GLB1: variants seen among roughly 807,000 people sequenced by gnomAD.
GLB1 encodes the protein galactosidase beta 1.
A neutral mutation model predicts 74.0 loss-of-function variants in GLB1; 56 were observed. The observed-to-expected ratio is 0.76, with a 90% confidence interval of 0.61 to 0.94. GLB1 has a LOEUF of 0.94. Among genes scored for constraint, GLB1 ranks in the 40% least tolerant of loss-of-function variants. The probability of loss-of-function intolerance (pLI) is 0.00; values close to 1 mark genes in which losing one functional copy is unlikely to be tolerated. For synonymous variants in GLB1, 323 were observed against 323.6 expected (o/e 1.00, Z 0.02); for missense variants, 787 against 845.5 (o/e 0.93, Z 0.86).
chr3:33,083,486 C>G (rs1318488180), intron 1 of GLB1, among the ~76,000 whole-genome samples: 1 of 151,494 alleles, frequency 6.6e-6, no homozygotes, highest in African/African-American at 2.4e-5. Flanking sequence ...AGAGTGTATT[C>G]CCCCCAAATG....
At chr3:33,005,430 T>C (rs1696745695) in intron 15 of GLB1, among the ~76,000 whole-genome samples, 1 of 152,214 alleles carries the variant, frequency 6.6e-6, no homozygotes, top group East Asian at 1.9e-4. Context: ...AACTGCATGG[T>C]TTACATATCT....
At chr3:32,962,950 C>T in the GLB1 span, among the ~76,000 whole-genome samples, 1 of 151,890 alleles carries the variant, frequency 6.6e-6, no homozygotes, top group African/African-American at 2.4e-5. Flanking sequence ...GATTTAAAAG[C>T]TTACATAAGA....
At chr3:33,081,273 T>C (rs1427151175) in intron 1 of GLB1, among the ~76,000 whole-genome samples, 3 of 152,128 alleles carry the variant, frequency 2.0e-5, no homozygotes, top group African/African-American at 7.2e-5. Context: ...GGAATGGATC[T>C]TGAGGGGGAA....
chr3:33,058,179 C>T lies in GLB1; in HGVS notation c.643G>A (p.Val215Met), dbSNP rs749673652. 2 of 1,614,182 alleles carry T rather than the reference C, an allele frequency of 1.2e-6. No homozygotes were observed. The highest frequency in any genetic ancestry group is 2.2e-5 in the East Asian group (1 of 44,878). ...KRFRHHLGDD[V>M]VLFTTDGAHK... Reference sequence around the variant, plus strand: ...GCTCCATCAGTGGTAAACAGAACCACATCATCCCCCAGATGGTGGCGAAAG... The same window carrying T: ...GCTCCATCAGTGGTAAACAGAACCATATCATCCCCCAGATGGTGGCGAAAG... Residue 215 changes from valine (V) to methionine (M), a missense_variant, in exon 6 of 16, where the codon GTG (valine) becomes ATG (methionine). Val to Met is a conservative substitution (Grantham distance 21). Transcript: ENST00000307363.
chr3:33,043,879 GC>G (rs1307982226), intron 10 of GLB1, among the ~76,000 whole-genome samples: 5 of 42,382 alleles, frequency 1.2e-4, no homozygotes, highest in Admixed American at 6.0e-4. Flanking sequence ...CAGGCAAAAA[GC>G]CTTATTAGAA....
intron 10 of GLB1, chr3:33,045,194 C>A: frequency 2.7e-6 from 1 of 365,498 alleles, no homozygotes. Context: ...ATGCTGTAAT[C>A]CCAGTTTTAC....
chr3:33,072,205 G>A (rs4320035), intron 2 of GLB1, among the ~76,000 whole-genome samples: 4 of 151,948 alleles, frequency 2.6e-5, no homozygotes, highest in Non-Finnish European at 4.4e-5. Context: ...CTATAAACAG[G>A]AACAATAATA....
the GLB1 span, among the ~76,000 whole-genome samples, chr3:32,975,489 T>C: frequency 6.6e-6 from 1 of 151,644 alleles, no homozygotes; most frequent in East Asian, 1.9e-4. Flanking sequence ...GTTAGGGGAG[T>C]TGTGCACAAG....
intron 14 of GLB1, among the ~76,000 whole-genome samples, chr3:33,015,942 C>T (rs1182858869): frequency 1.3e-5 from 2 of 152,204 alleles, no homozygotes. Context: ...TTCCCCAAAG[C>T]ACCTGGTGGG....
intron 2 of GLB1, among the ~76,000 whole-genome samples, chr3:33,072,274 A>G (rs1469217929): frequency 6.6e-6 from 1 of 152,186 alleles, no homozygotes; most frequent in Non-Finnish European, 1.5e-5. Context: ...TAAGTGCTCA[A>G]TCATTGTTAC....
At chr3:33,019,405 T>C (rs935982812) in intron 12 of GLB1, among the ~76,000 whole-genome samples, 2 of 152,200 alleles carry the variant, frequency 1.3e-5, no homozygotes, top group Non-Finnish European at 2.9e-5. Context: ...TGGACATTAT[T>C]AGCAGGGCTG....
At chr3:33,050,670 T>A (rs763856701) in intron 9 of GLB1, among the ~76,000 whole-genome samples, 10 of 152,164 alleles carry the variant, frequency 6.6e-5, no homozygotes, top group Non-Finnish European at 1.2e-4. Flanking sequence ...GAGTTTCTTT[T>A]TGGGGTGATA....
chr3:32,975,206 T>C, the GLB1 span, among the ~76,000 whole-genome samples: 1 of 152,118 alleles, frequency 6.6e-6, no homozygotes, highest in Non-Finnish European at 1.5e-5. Context: ...CTCAGCCTCC[T>C]GAGTAGCTGA....
chr3:33,081,344 T>C (rs1700314684), intron 1 of GLB1, among the ~76,000 whole-genome samples: 2 of 152,302 alleles, frequency 1.3e-5, no homozygotes, highest in Non-Finnish European at 2.9e-5. Context: ...ACCTATATTC[T>C]ATTGGTAAGA....
intron 1 of GLB1, among the ~76,000 whole-genome samples, chr3:33,084,472 T>C (rs1159040033): frequency 6.6e-6 from 1 of 152,206 alleles, no homozygotes; most frequent in East Asian, 1.9e-4. Context: ...GATGGAAGAA[T>C]CTGTGGATAA....
chr3:33,028,462 G>A (rs1407137810), intron 10 of GLB1, among the ~76,000 whole-genome samples: 2 of 151,490 alleles, frequency 1.3e-5, no homozygotes, highest in African/African-American at 2.4e-5. Context: ...ACCCTATGTC[G>A]CCTCTTTTTT....
chr3:32,969,950 TC>T, the GLB1 span, among the ~76,000 whole-genome samples: 1 of 152,204 alleles, frequency 6.6e-6, no homozygotes, highest in African/African-American at 2.4e-5. Context: ...CTTATGGACT[TC>T]ACCGAATTGC....
At chr3:33,045,701 C>A in intron 10 of GLB1, 1 of 1,075,388 alleles carries the variant, frequency 9.3e-7, no homozygotes, top group African/African-American at 1.6e-5. Context: ...ATCCATGCTG[C>A]CTTAATAGGG....
the GLB1 span, among the ~76,000 whole-genome samples, chr3:32,964,097 A>G: frequency 6.6e-6 from 1 of 152,196 alleles, no homozygotes; most frequent in African/African-American, 2.4e-5. Flanking sequence ...AGCATGCTGG[A>G]GCCTGCAGAA....
Sources: allele counts gnomAD v4.1 joint callset (sites outside exome capture counted in the v4.1 genomes callset), GRCh38; gene constraint gnomAD v4.1.1; transcripts MANE v1.5; gene names NCBI Gene and HGNC (gene_info 2026-07-23, HGNC 2026-07-21).